The following LHFPL2 variants were observed in gnomAD, a reference collection of about 807,000 sequenced individuals.
LHFPL2 encodes the protein LHFPL tetraspan subfamily member 2.
Under a neutral mutation model 17.5 loss-of-function variants are expected in LHFPL2, and 7 were observed. The observed-to-expected ratio is 0.40, with a 90% CI of 0.23 to 0.75. The LOEUF is 0.75. Among genes scored for constraint, LHFPL2 ranks in the 30% least tolerant of loss-of-function variants. The probability of loss-of-function intolerance (pLI) is 0.37; values close to 1 mark genes in which losing one functional copy is unlikely to be tolerated. For missense variants in LHFPL2, 241 were observed against 294.8 expected (o/e 0.82, Z 1.34); for synonymous variants, 134 against 116.2 (o/e 1.15, Z -0.99).
chr5:78,525,588 C>T (rs1050229568), intron 3 of LHFPL2, among the ~76,000 whole-genome samples: 1 of 152,104 alleles, frequency 6.6e-6, no homozygotes, highest in Non-Finnish European at 1.5e-5. Flanking sequence ...TAACACTCAC[C>T]TTGATAAAAA....
intron 3 of LHFPL2, among the ~76,000 whole-genome samples, chr5:78,526,782 A>G (rs1755632506): frequency 6.6e-6 from 1 of 152,180 alleles, no homozygotes; most frequent in Non-Finnish European, 1.5e-5. Context: ...AAACCAAATG[A>G]AGAAGACAAG....
chr5:78,497,452 CTTAT>C (rs1754642837), intron 4 of LHFPL2, among the ~76,000 whole-genome samples: 1 of 147,138 alleles, frequency 6.8e-6, no homozygotes, highest in Middle Eastern at 3.4e-3. Flanking sequence ...GTTTACTTAT[CTTAT>C]TTATTGTCTA....
chr5:78,517,457 C>T (rs145182832), intron 3 of LHFPL2, among the ~76,000 whole-genome samples: 25 of 152,320 alleles, frequency 1.6e-4, no homozygotes, highest in Non-Finnish European at 3.2e-4. Context: ...AGTCTGTTCT[C>T]ATGCTGCTAA....
chr5:78,591,594 A>C (rs1000816050), intron 2 of LHFPL2, among the ~76,000 whole-genome samples: 2 of 152,190 alleles, frequency 1.3e-5, no homozygotes, highest in Non-Finnish European at 2.9e-5. Flanking sequence ...CTCTGAGAAA[A>C]TGTTTGTGAT....
chr5:78,572,511 T>TAC, intron 2 of LHFPL2, among the ~76,000 whole-genome samples: 1 of 54,920 alleles, frequency 1.8e-5, no homozygotes, highest in East Asian at 3.5e-4. Flanking sequence ...TATATATATA[T>TAC]ACACACACAT....
rs1744902921 is a variant in LHFPL2, at chr5:78,622,779, AT to A, written c.-245+9484del. ...AACATTTTTAGGCTACAGAAAAGGC[AT>A]GCTCTTTAGATTCAGGGTGAGCTGG... is the stretch of plus-strand genomic sequence containing the variant. On this transcript the variant is annotated intron_variant, in intron 2 of 4. Transcript: ENST00000380345. 1.3e-5 allele frequency among the ~76,000 whole-genome samples: 2 copies of A among 152,236 alleles called. 1 individual carries two copies. Among genetic ancestry groups the A allele is most frequent in the African/African-American group, 4.8e-5 (2 of 41,472 alleles).
intron 2 of LHFPL2, chr5:78,590,275 G>C (rs961806375): frequency 6.6e-6 from 1 of 152,144 alleles, no homozygotes; most frequent in Non-Finnish European, 1.5e-5. Context: ...CTACTTTCAG[G>C]TCATTATCTT....
At chr5:78,593,666 G>A (rs1743724643) in intron 2 of LHFPL2, among the ~76,000 whole-genome samples, 1 of 152,154 alleles carries the variant, frequency 6.6e-6, no homozygotes, top group Non-Finnish European at 1.5e-5. Context: ...TAGTGGTCAA[G>A]GATACACTCT....
intron 2 of LHFPL2, among the ~76,000 whole-genome samples, chr5:78,569,424 G>GCACT (rs1295145895): frequency 6.6e-6 from 1 of 152,172 alleles, no homozygotes; most frequent in East Asian, 1.9e-4. Flanking sequence ...TGCACAAAGA[G>GCACT]CACTCCCCAT....
chr5:78,516,886 T>A (rs1755308395), intron 3 of LHFPL2, among the ~76,000 whole-genome samples: 1 of 152,098 alleles, frequency 6.6e-6, no homozygotes, highest in Non-Finnish European at 1.5e-5. Flanking sequence ...TTTTCATAAA[T>A]CTCTATTCTG....
intron 2 of LHFPL2, among the ~76,000 whole-genome samples, chr5:78,576,831 GTCT>G (rs1201978314): frequency 6.6e-6 from 1 of 152,206 alleles, no homozygotes; most frequent in African/African-American, 2.4e-5. Flanking sequence ...GATACCAACA[GTCT>G]TCTTAACTTT....
At chr5:78,608,931 C>CA (rs879783916) in intron 2 of LHFPL2, among the ~76,000 whole-genome samples, 7,056 of 86,930 alleles carry the variant, frequency 0.081, 537 homozygotes, top group African/African-American at 0.23. Context: ...GACTCCATCT[C>CA]AAAAAAAAAA....
chr5:78,544,452 A>T (rs966616735), intron 3 of LHFPL2, among the ~76,000 whole-genome samples: 1 of 152,158 alleles, frequency 6.6e-6, no homozygotes, highest in African/African-American at 2.4e-5. Flanking sequence ...ATAGTAGGGG[A>T]CAGGGGTAGA....
chr5:78,535,052 TAGG>T (rs1490787504), intron 3 of LHFPL2, among the ~76,000 whole-genome samples: 6 of 152,228 alleles, frequency 3.9e-5, no homozygotes, highest in African/African-American at 1.4e-4. Context: ...AACGACTTCT[TAGG>T]AGGAGAGAAA....
At chr5:78,637,360 T>C (rs748079026) in intron 1 of LHFPL2, among the ~76,000 whole-genome samples, 4 of 148,898 alleles carry the variant, frequency 2.7e-5, no homozygotes, top group Non-Finnish European at 5.9e-5. Flanking sequence ...ATAACCAACA[T>C]GTAATGAGGA....
intron 3 of LHFPL2, among the ~76,000 whole-genome samples, chr5:78,529,783 A>G (rs1755727531): frequency 6.6e-6 from 1 of 152,272 alleles, no homozygotes; most frequent in Non-Finnish European, 1.5e-5. Context: ...GACAGACTGA[A>G]TCATAAATTT....
intron 3 of LHFPL2, among the ~76,000 whole-genome samples, chr5:78,548,435 C>T (rs1756349455): frequency 6.6e-6 from 1 of 152,190 alleles, no homozygotes; most frequent in Non-Finnish European, 1.5e-5. Context: ...GAAAACAGGC[C>T]CCCTGTGACA....
intron 3 of LHFPL2, among the ~76,000 whole-genome samples, chr5:78,563,420 C>G (rs576238467): frequency 9.9e-5 from 15 of 152,150 alleles, no homozygotes; most frequent in African/African-American, 3.1e-4. Context: ...TTTGGGCCGA[C>G]CATGGTGACT....
chr5:78,576,002 TAAGA>T (rs1218019680), intron 2 of LHFPL2, among the ~76,000 whole-genome samples: 4 of 152,158 alleles, frequency 2.6e-5, no homozygotes, highest in African/African-American at 7.2e-5. Context: ...CCAAAATATG[TAAGA>T]TAAATCTGGC....
Sources: gnomAD v4.1 joint callset for allele counts (sites outside exome capture counted in the v4.1 genomes callset) on GRCh38, gnomAD v4.1.1 for gene constraint, MANE v1.5 for transcripts, NCBI Gene and HGNC (gene_info 2026-07-23, HGNC 2026-07-21) for gene names.